TMEM131L: variants seen among roughly 807,000 people sequenced by gnomAD.
TMEM131L encodes transmembrane protein 131-like.
In TMEM131L, 54 loss-of-function variants were observed where a neutral mutation model predicts 192.2. That is an observed-to-expected ratio of 0.28 (90% CI 0.23 to 0.35). The LOEUF is 0.35. TMEM131L is among the 10% of genes least tolerant of loss of function. TMEM131L has a pLI of 1.00. For synonymous variants in TMEM131L, 701 were observed against 704.9 expected (o/e 0.99, Z 0.09); for missense variants, 1,888 against 1,972.9 (o/e 0.96, Z 0.82).
At chr4:153,626,069 AC>A (rs1733823094) in intron 29 of TMEM131L, 77 bp from the exon 30 acceptor site, 1 of 831,076 alleles carries the variant, frequency 1.2e-6, no homozygotes, top group East Asian at 2.5e-5. Flanking sequence ...GATATTAATA[AC>A]CTATGCATTT....
chr4:153,562,342 A>G (rs1728903850), intron 7 of TMEM131L, among the ~76,000 whole-genome samples: 1 of 152,156 alleles, frequency 6.6e-6, no homozygotes, highest in Non-Finnish European at 1.5e-5. Context: ...AGCCTAAAGT[A>G]TTTTTTAAGG....
At chr4:153,622,555 G>C (rs1388437748) in intron 28 of TMEM131L, among the ~76,000 whole-genome samples, 1 of 152,144 alleles carries the variant, frequency 6.6e-6, no homozygotes, top group African/African-American at 2.4e-5. Flanking sequence ...AAAAGAGAGG[G>C]GGAAAATCAC....
intron 3 of TMEM131L, among the ~76,000 whole-genome samples, chr4:153,508,248 C>T (rs571044651): frequency 2.0e-5 from 3 of 152,122 alleles, no homozygotes; most frequent in Non-Finnish European, 4.4e-5. Flanking sequence ...TTAATTTATA[C>T]CCAACTCTAT....
intron 3 of TMEM131L, among the ~76,000 whole-genome samples, chr4:153,494,600 T>A (rs1261833150): frequency 6.6e-6 from 1 of 152,226 alleles, no homozygotes; most frequent in Non-Finnish European, 1.5e-5. Context: ...TAATATCTGA[T>A]ACAACAGTCT....
intron 17 of TMEM131L, 108 bp downstream of exon 17, chr4:153,591,302 A>C: frequency 9.5e-7 from 1 of 1,053,324 alleles, no homozygotes; most frequent in Non-Finnish European, 1.3e-6. Context: ...AGCCAAAATT[A>C]AGGCGATGTC....
chr4:153,479,739 G>C (rs1476681971), intron 3 of TMEM131L, among the ~76,000 whole-genome samples: 1 of 152,204 alleles, frequency 6.6e-6, no homozygotes, highest in African/African-American at 2.4e-5. Context: ...CCAGTGAAAG[G>C]TGGATCTTGG....
intron 26 of TMEM131L, among the ~76,000 whole-genome samples, chr4:153,619,780 C>G (rs1561249779): frequency 1.3e-5 from 2 of 152,202 alleles, no homozygotes; most frequent in Non-Finnish European, 2.9e-5. Flanking sequence ...GGCCAACCTT[C>G]TGAAAGAGAA....
At position 153,583,405 on chromosome 4, in the gene TMEM131L, T is replaced by C. The variant is rs142110504; in HGVS notation, c.951+157T>C. Reference sequence around the variant, plus strand: ...TTGCCCTTGCTTGAACCTCTGTTTGTATGAAGATTGTCAGCATCCCCTCCA... The same window carrying C: ...TTGCCCTTGCTTGAACCTCTGTTTGCATGAAGATTGTCAGCATCCCCTCCA... On this transcript the variant is annotated intron_variant, in intron 10 of 34. Transcript: ENST00000409959. 601 of 752,506 alleles carry C rather than the reference T, an allele frequency of 8.0e-4. 10 individuals are homozygous for C. In the East Asian group the frequency reaches 0.013, roughly 16 times the overall value. The allele number at this position is 752,506 out of a possible 1,614,324, so 46.6% of individuals were successfully genotyped here.
At chr4:153,539,595 AG>A (rs1463916217) in intron 3 of TMEM131L, among the ~76,000 whole-genome samples, 1 of 138,842 alleles carries the variant, frequency 7.2e-6, no homozygotes, top group Non-Finnish European at 1.5e-5. Context: ...GCCCTGGTGG[AG>A]TGAAACACTG....
chr4:153,467,008 G>C (rs1730802726), intron 1 of TMEM131L, among the ~76,000 whole-genome samples: 1 of 152,048 alleles, frequency 6.6e-6, no homozygotes, highest in African/African-American at 2.4e-5. Flanking sequence ...GCACGCTGTC[G>C]CCTTCGCGTC....
In TMEM131L at chr4:153,564,618, GAA is replaced by G. The variant is rs552415887; in HGVS notation, c.660+6252_660+6253del. Among the ~76,000 whole-genome samples the G allele has an allele frequency of 5.8e-4, 88 of 152,304 alleles. 1 individual carries two copies. Among genetic ancestry groups the G allele is most frequent in the African/African-American group, 2.0e-3 (85 of 41,566 alleles). ...TCATGCAGAGAGAATTCCTAGTGATGAAAGTCACTGTCGTGGTGGGTCTGAAT... is the reference window on the plus strand; with the variant it reads ...TCATGCAGAGAGAATTCCTAGTGATGAGTCACTGTCGTGGTGGGTCTGAAT... On this transcript the variant is annotated intron_variant, in intron 7 of 34. Coordinates refer to ENST00000409959, the MANE Select transcript of TMEM131L (RefSeq NM_001131007.2).
At chr4:153,527,245 G>A (rs749882247) in intron 3 of TMEM131L, among the ~76,000 whole-genome samples, 5 of 151,542 alleles carry the variant, frequency 3.3e-5, no homozygotes, top group Non-Finnish European at 7.4e-5. Context: ...TTATCATTTG[G>A]TGACTTGTTG....
chr4:153,552,183 A>T (rs78154466), intron 4 of TMEM131L, among the ~76,000 whole-genome samples: 1,550 of 152,298 alleles, frequency 0.01, 30 homozygotes, highest in African/African-American at 0.036. Flanking sequence ...ACCGAGTTCT[A>T]GCCTGGGCGA....
chr4:153,501,278 T>C (rs937639970), intron 3 of TMEM131L, among the ~76,000 whole-genome samples: 1 of 149,844 alleles, frequency 6.7e-6, no homozygotes, highest in Non-Finnish European at 1.5e-5. Context: ...CGATCTTGGC[T>C]CACTGCAACC....
chr4:153,593,815 C>T lies in TMEM131L; in HGVS notation c.1939C>T (p.Gln647Ter), dbSNP rs1237790483. ...LLHRWFGTDM[Q>*]MINFTTGEFQ... is the part of the protein sequence containing the mutation. ...TCCTTATAGGTTTGGCACTGATATGCAGATGATTAATTTCACAACTGGTGA... is the reference window on the plus strand; with the variant it reads ...TCCTTATAGGTTTGGCACTGATATGTAGATGATTAATTTCACAACTGGTGA... The change falls in exon 19 of 35, where the codon CAG (glutamine) becomes TAG (stop). Residue 647 changes from glutamine (Q) to a stop codon, truncating the protein, a stop_gained. Transcript: ENST00000409959. LOFTEE classifies it high-confidence loss of function. The T allele has an allele frequency of 6.2e-7, 1 of 1,612,294 alleles. No homozygotes were observed. The highest frequency in any genetic ancestry group is 1.7e-5 in the Admixed American group (1 of 60,012).
intron 5 of TMEM131L, 136 bp from the exon 6 acceptor site, chr4:153,556,830 A>T: frequency 1.7e-6 from 1 of 571,852 alleles, no homozygotes; most frequent in Non-Finnish European, 3.1e-6. Context: ...GGGGATTCTT[A>T]GGGATTCATA....
At chr4:153,595,429 G>A (rs1245653563) in intron 19 of TMEM131L, among the ~76,000 whole-genome samples, 1 of 150,536 alleles carries the variant, frequency 6.6e-6, no homozygotes, top group East Asian at 1.9e-4. Context: ...CCTTCATGGA[G>A]TTTATAATTC....
At chr4:153,597,505 C>G (rs1462815898) in intron 20 of TMEM131L, among the ~76,000 whole-genome samples, 1 of 152,076 alleles carries the variant, frequency 6.6e-6, no homozygotes, top group Non-Finnish European at 1.5e-5. Flanking sequence ...TTAATAAAGG[C>G]TTTTTAATCC....
intron 25 of TMEM131L, among the ~76,000 whole-genome samples, chr4:153,606,625 T>G (rs561590133): frequency 6.6e-6 from 1 of 152,352 alleles, no homozygotes; most frequent in South Asian, 2.1e-4. Flanking sequence ...TCTGGAAACA[T>G]AGAGTTTGCC....
Sources: allele counts gnomAD v4.1 joint callset (sites outside exome capture counted in the v4.1 genomes callset), GRCh38; gene constraint gnomAD v4.1.1; transcripts MANE v1.5; gene names NCBI Gene and HGNC (gene_info 2026-07-23, HGNC 2026-07-21).